The following CUX2 variants were observed in gnomAD, a reference collection of about 807,000 sequenced individuals.
The protein encoded by CUX2 is homeobox protein cut-like 2.
CUX2 carries 40 observed loss-of-function variants against 144.8 expected under a neutral mutation model. The ratio of observed to expected loss-of-function variants is 0.28; its 90% CI spans 0.21 to 0.36. CUX2 has a LOEUF of 0.36. CUX2 is among the 10% of genes least tolerant of loss of function. CUX2 has a pLI of 1.00. For missense variants in CUX2, 1,615 were observed against 1,994.0 expected (o/e 0.81, Z 3.62); for synonymous variants, 827 against 875.6 (o/e 0.94, Z 0.98).
In CUX2 at chr12:111,322,713, T is replaced by C; in HGVS notation, c.2926+133T>C. 1.7e-6 allele frequency: 2 copies of C among 1,165,868 alleles called. No individual in the cohort carries two copies. Among genetic ancestry groups the C allele is most frequent in the Admixed American group, 2.4e-5 (1 of 41,818 alleles). 72.2% of individuals were successfully genotyped at this position (1,165,868 alleles called of 1,614,324 possible). A position where few individuals can be genotyped will look rare whatever the true frequency, so the allele number is the denominator to read the frequency against. The stretch of plus-strand genomic sequence containing the variant: ...CTGCCCTGGCTTTCATCCCAGTCAC[T>C]GTCATGGCTGCACTGGAACATGGCG... On this transcript the variant is annotated intron_variant, in intron 18 of 21. Transcript: ENST00000261726. The surrounding 1 kb of genome is among the most constrained non-coding windows in gnomAD (Gnocchi z 4.2).
At chr12:111,156,615 A>G (rs1292731710) in intron 1 of CUX2, among the ~76,000 whole-genome samples, 1 of 152,182 alleles carries the variant, frequency 6.6e-6, no homozygotes, top group African/African-American at 2.4e-5. Context: ...AGATGCCCAA[A>G]GCTGAGGAAC....
At chr12:111,238,204 A>G (rs1224194806) in intron 3 of CUX2, among the ~76,000 whole-genome samples, 1 of 152,198 alleles carries the variant, frequency 6.6e-6, no homozygotes, top group Non-Finnish European at 1.5e-5. Context: ...ACAGTCTGTA[A>G]TTATATGTTT....
intron 1 of CUX2, among the ~76,000 whole-genome samples, chr12:111,200,703 C>T (rs1443191479): frequency 1.3e-5 from 2 of 152,166 alleles, no homozygotes; most frequent in African/African-American, 4.8e-5. Flanking sequence ...GTATAGGATG[C>T]AGCCAAATTT....
intron 18 of CUX2, among the ~76,000 whole-genome samples, chr12:111,332,201 C>T (rs1888148871): frequency 7.5e-6 from 1 of 132,602 alleles, no homozygotes; most frequent in Admixed American, 8.2e-5. Context: ...GGTGTGATCT[C>T]GGCTCTCTGC....
chr12:111,105,495 G>A (rs994217460), intron 1 of CUX2, among the ~76,000 whole-genome samples: 1 of 152,136 alleles, frequency 6.6e-6, no homozygotes, highest in Non-Finnish European at 1.5e-5. Context: ...CTGTGTGTGT[G>A]TGTGTGTGTG....
chr12:111,308,964 G>T (rs1886739035), intron 14 of CUX2, among the ~76,000 whole-genome samples: 1 of 152,120 alleles, frequency 6.6e-6, no homozygotes, highest in South Asian at 2.1e-4. Flanking sequence ...GAGTGCAGTG[G>T]TGTGATCTCG....
At chr12:111,324,453 G>A (rs374765391) in intron 18 of CUX2, among the ~76,000 whole-genome samples, 47 of 151,992 alleles carry the variant, frequency 3.1e-4, no homozygotes, top group Non-Finnish European at 2.9e-4. Flanking sequence ...GAGGCAGGGC[G>A]TGGTGACTTT....
intron 3 of CUX2, among the ~76,000 whole-genome samples, chr12:111,253,035 C>T (rs1220370802): frequency 1.3e-5 from 2 of 152,054 alleles, no homozygotes; most frequent in Non-Finnish European, 2.9e-5. Flanking sequence ...TCGACCTTCA[C>T]AATCCCAGAA....
Position 111,068,970 on chromosome 12 carries a change from GT to G in CUX2, c.63+34731del, listed in dbSNP as rs1318333070. On this transcript the variant is annotated intron_variant, in intron 1 of 21. Coordinates refer to ENST00000261726, the MANE Select transcript of CUX2 (RefSeq NM_015267.4). The surrounding 1 kb of genome is among the most constrained non-coding windows in gnomAD (Gnocchi z 4.9). The stretch of plus-strand genomic sequence containing the variant: ...ATAATACAAAAAATAGCCGGACTGG[GT>G]GGCCTGTACCTGTAATCTCAGCTAC... 1.3e-5 allele frequency among the ~76,000 whole-genome samples: 2 copies of G among 152,282 alleles called. No individual in the cohort carries two copies. The highest frequency in any genetic ancestry group is 2.1e-4 in the South Asian group (1 of 4,816).
chr12:111,238,742 C>G (rs1341273410), intron 3 of CUX2, among the ~76,000 whole-genome samples: 2 of 152,142 alleles, frequency 1.3e-5, no homozygotes, highest in African/African-American at 2.4e-5. Context: ...GAATTCCACT[C>G]AGGTCTCAAA....
intron 16 of CUX2, among the ~76,000 whole-genome samples, chr12:111,317,418 A>G (rs1445535635): frequency 9.9e-5 from 15 of 151,770 alleles, no homozygotes; most frequent in African/African-American, 2.9e-4. Flanking sequence ...ATATATATAT[A>G]TGTGTATATA....
rs192327203 is a variant in CUX2, at chr12:111,087,729, C to T, written c.63+53489C>T. On this transcript the variant is annotated intron_variant, in intron 1 of 21. Coordinates refer to ENST00000261726, the MANE Select transcript of CUX2 (RefSeq NM_015267.4). ...CTCAGTGCCTAGAACAGCCCCTGCA[C>T]ATAGTAGATGTGTGATGGATATCTG... Among the ~76,000 whole-genome samples the T allele has an allele frequency of 1.4e-4, 21 of 152,320 alleles. No homozygotes were observed. The East Asian group carries it at 3.5e-3, about 25-fold the overall frequency.
At chr12:111,151,670 G>A (rs552685460) in intron 1 of CUX2, among the ~76,000 whole-genome samples, 99 of 152,156 alleles carry the variant, frequency 6.5e-4, no homozygotes, top group African/African-American at 2.2e-3. Flanking sequence ...GTCTGTCACC[G>A]GCTCTCAATG....
chr12:111,147,551 G>A (rs759685940), intron 1 of CUX2, among the ~76,000 whole-genome samples: 28 of 152,128 alleles, frequency 1.8e-4, no homozygotes, highest in Non-Finnish European at 3.7e-4. Flanking sequence ...CCACCCTCTC[G>A]TGCTCTAGGC....
intron 1 of CUX2, among the ~76,000 whole-genome samples, chr12:111,071,693 G>GAT (rs112227004): frequency 0.025 from 3,878 of 152,256 alleles, 165 homozygotes; most frequent in African/African-American, 0.088. Flanking sequence ...AGGTCATCCA[G>GAT]ATTTTCCTAT....
intron 1 of CUX2, among the ~76,000 whole-genome samples, chr12:111,147,758 A>G (rs549659284): frequency 1.3e-5 from 2 of 152,204 alleles, no homozygotes; most frequent in Non-Finnish European, 2.9e-5. Flanking sequence ...GGCCTGGAGC[A>G]GATCTCTATG....
At position 111,146,255 on chromosome 12, in the gene CUX2, G is replaced by C. The variant is rs555919678; in HGVS notation, c.64-67945G>C. Among the ~76,000 whole-genome samples, 3 of 152,290 alleles carry C rather than the reference G, an allele frequency of 2.0e-5. No individual in the cohort carries two copies. In the East Asian group the frequency reaches 5.8e-4, roughly 29 times the overall value. On this transcript the variant is annotated intron_variant, in intron 1 of 21. Coordinates refer to ENST00000261726, the MANE Select transcript of CUX2 (RefSeq NM_015267.4). ...TGGTGGTGTACATGCTATGGGTTTG[G>C]ACAAATGTATGACGACGTGGCTCCA...
intron 1 of CUX2, among the ~76,000 whole-genome samples, chr12:111,184,164 T>A (rs1172336663): frequency 6.6e-6 from 1 of 152,226 alleles, no homozygotes; most frequent in Non-Finnish European, 1.5e-5. Context: ...TGCAGCTGTG[T>A]GACCCAGTCC....
rs1011559743 is a variant in CUX2 at position 111,035,353 on chromosome 12, C to T, written c.63+1113C>T. 1.3e-4 allele frequency among the ~76,000 whole-genome samples: 20 copies of T among 152,092 alleles called. No individual in the cohort carries two copies. Among genetic ancestry groups the T allele is most frequent in the African/African-American group, 4.8e-4 (20 of 41,410 alleles). On this transcript the variant is annotated intron_variant, in intron 1 of 21. Coordinates refer to ENST00000261726, the MANE Select transcript of CUX2 (RefSeq NM_015267.4). The surrounding 1 kb of genome is among the most constrained non-coding windows in gnomAD (Gnocchi z 6.0). Reference sequence around the variant, plus strand: ...GATTTGGAGGTGTTCTCTGCGGACCCCGTAGGAGCCGGGGCTGGGAGGTGG... The same window carrying T: ...GATTTGGAGGTGTTCTCTGCGGACCTCGTAGGAGCCGGGGCTGGGAGGTGG...
Sources: gnomAD v4.1 joint callset for allele counts (sites outside exome capture counted in the v4.1 genomes callset) on GRCh38, gnomAD v4.1.1 for gene constraint, Gnocchi (gnomAD v3.1) non-coding constraint, MANE v1.5 for transcripts, NCBI Gene and HGNC (gene_info 2026-07-23, HGNC 2026-07-21) for gene names.